Variants in ACACA observed in about 807,000 individuals in gnomAD.
ACACA encodes acetyl-CoA carboxylase alpha, also known as acetyl-CoA carboxylase 1.
A neutral mutation model predicts 296.1 loss-of-function variants in ACACA; 103 were observed. That is an observed-to-expected ratio of 0.35 (90% CI 0.30 to 0.41). The LOEUF is 0.41. Ranked by LOEUF, ACACA falls within the 10% of genes least tolerant of loss-of-function variation. The pLI is 1.00. For synonymous variants in ACACA, 953 were observed against 1,038.6 expected, an observed-to-expected ratio of 0.92 and a Z score of 1.58; for missense variants, 1,554 against 2,989.7, an observed-to-expected ratio of 0.52 and a Z score of 11.20.
intron 39 of ACACA, among the ~76,000 whole-genome samples, chr17:37,187,525 G>A (rs2145015875): frequency 6.6e-6 from 1 of 152,272 alleles, no homozygotes; most frequent in South Asian, 2.1e-4. Flanking sequence ...CCTAATTTCA[G>A]TATCATAGTA....
chr17:37,389,226 CAG>C (rs2050681482), intron 1 of ACACA: 4 of 1,561,856 alleles, frequency 2.6e-6, no homozygotes, highest in Non-Finnish European at 3.5e-6. Flanking sequence ...ATATTAATAC[CAG>C]TCATTTTCTC....
chr17:37,241,568 G>T lies in ACACA; in HGVS notation c.3032+385C>A, dbSNP rs1031023266. ...AAAAATACAAAAATTAGCTGGATGT[G>T]GTGGTGCACAGCTATAGTCCCAGCT... On this transcript the variant is annotated intron_variant, in intron 23 of 55. Transcript: ENST00000616317. 1.8e-4 allele frequency among the ~76,000 whole-genome samples: 27 copies of T among 152,036 alleles called. 1 individual carries two copies.
chr17:37,094,567 G>T (rs1266516842), intron 54 of ACACA, among the ~76,000 whole-genome samples: 1 of 101,400 alleles, frequency 9.9e-6, no homozygotes, highest in Non-Finnish European at 1.9e-5. Flanking sequence ...ATTCTTTGAA[G>T]AACCACCCCC....
chr17:37,368,537 C>T (rs112825846), intron 1 of ACACA, among the ~76,000 whole-genome samples: 28 of 152,148 alleles, frequency 1.8e-4, no homozygotes, highest in Middle Eastern at 3.4e-3. Context: ...GCCAAAATTG[C>T]GCCATTGCAC....
Position 37,330,494 on chromosome 17 carries a change from G to A in ACACA, c.86-69C>T, listed in dbSNP as rs138886561. 64 of 1,587,110 alleles carry A rather than the reference G, an allele frequency of 4.0e-5. No individual in the cohort carries two copies. In the East Asian group the frequency reaches 1.3e-3, roughly 33 times the overall value. Reference sequence around the variant, plus strand: ...AATCTATATCTGAGGTCAGCCAGAGGTTATATCTAATAAACCATAGCTGAG... The same window carrying A: ...AATCTATATCTGAGGTCAGCCAGAGATTATATCTAATAAACCATAGCTGAG... On this transcript the variant is annotated intron_variant, in intron 2 of 55. Transcript: ENST00000616317.
chr17:37,109,632 G>T, intron 52 of ACACA, among the ~76,000 whole-genome samples: 1 of 152,174 alleles, frequency 6.6e-6, no homozygotes, highest in East Asian at 1.9e-4. Flanking sequence ...GAGATGATTT[G>T]TAACAAATGA....
chr17:37,385,908 A>G (rs544336303), intron 1 of ACACA: 9 of 757,882 alleles, frequency 1.2e-5, no homozygotes, highest in East Asian at 5.5e-5. Flanking sequence ...TGGGACCACA[A>G]TTGGAAGTTT....
chr17:37,404,140 A>G (rs764846421), intron 1 of ACACA, among the ~76,000 whole-genome samples: 10 of 152,224 alleles, frequency 6.6e-5, no homozygotes, highest in Non-Finnish European at 1.3e-4. Flanking sequence ...ACAGTATTAC[A>G]ACACTGATTA....
In ACACA at chr17:37,223,731, C is replaced by T. The variant is rs896685309; in HGVS notation, c.3475-130G>A. On this transcript the variant is annotated intron_variant, in intron 27 of 55. Coordinates refer to ENST00000616317, the MANE Select transcript of ACACA (RefSeq NM_198834.3). ...TCTGAATGCCATAATCTCTCTGTGC[C>T]TCAGCTTCCTGAGCTACAAAATGGA... The T allele has an allele frequency of 9.8e-6, 7 of 714,444 alleles. No homozygotes were observed. In the Admixed American group the frequency reaches 1.5e-4, roughly 15 times the overall value. 44.3% of individuals were successfully genotyped at this position (714,444 alleles called of 1,614,324 possible).
chr17:37,143,826 C>CT (rs1452341087), intron 45 of ACACA: 16 of 1,400,612 alleles, frequency 1.1e-5, no homozygotes, highest in Middle Eastern at 4.9e-4. Context: ...CAGCAGTATC[C>CT]TTTTCGTATT....
chr17:37,118,676 C>T (rs2074375528), intron 50 of ACACA, among the ~76,000 whole-genome samples: 1 of 152,140 alleles, frequency 6.6e-6, no homozygotes, highest in African/African-American at 2.4e-5. Flanking sequence ...CCCAACTCTG[C>T]CATTTTGTAG....
In ACACA at chr17:37,274,518, G is replaced by A. The variant is rs527561880; in HGVS notation, c.902-219C>T. The A allele has an allele frequency of 1.2e-5, 9 of 780,858 alleles. 1 individual carries two copies. Among genetic ancestry groups the A allele is most frequent in the East Asian group, 2.6e-4 (2 of 7,830 alleles). 48.4% of individuals were successfully genotyped at this position (780,858 alleles called of 1,614,324 possible). ...TTCTTAACGCTGGCAAAAGCCAGCC[G>A]AACTAACAGGGAGCAACTTATAAAA... On this transcript the variant is annotated intron_variant, in intron 8 of 55. Coordinates refer to ENST00000616317, the MANE Select transcript of ACACA (RefSeq NM_198834.3).
intron 54 of ACACA, among the ~76,000 whole-genome samples, chr17:37,093,300 G>C (rs987080877): frequency 3.9e-5 from 6 of 152,308 alleles, no homozygotes; most frequent in Non-Finnish European, 8.8e-5. Context: ...CATGGCATCG[G>C]GTTGTGGGAA....
intron 1 of ACACA, chr17:37,365,730 G>A (rs575739861): frequency 4.9e-5 from 48 of 985,310 alleles, no homozygotes; most frequent in Non-Finnish European, 5.4e-5. Flanking sequence ...TCCTCAGGAA[G>A]GCCACTTCAT....
intron 3 of ACACA, among the ~76,000 whole-genome samples, chr17:37,293,042 A>T (rs2083148740): frequency 6.6e-6 from 1 of 151,540 alleles, no homozygotes; most frequent in Non-Finnish European, 1.5e-5. Context: ...CTGCCGACAC[A>T]TTTTTTTTTA....
intron 35 of ACACA, among the ~76,000 whole-genome samples, chr17:37,193,652 C>T (rs974600897): frequency 2.0e-5 from 3 of 152,006 alleles, no homozygotes; most frequent in African/African-American, 7.2e-5. Flanking sequence ...CTACCCTCTC[C>T]CAGGGGAAAA....
chr17:37,381,830 T>C (rs933210851), intron 1 of ACACA, among the ~76,000 whole-genome samples: 3 of 151,834 alleles, frequency 2.0e-5, no homozygotes, highest in Admixed American at 6.6e-5. Flanking sequence ...GGTTTCACCG[T>C]GTTGGCCAGG....
In ACACA at chr17:37,221,844, T is replaced by C; in HGVS notation, c.3565-2A>G. 1 of 1,608,766 alleles carries C rather than the reference T, an allele frequency of 6.2e-7. No individual in the cohort carries two copies. Among genetic ancestry groups the C allele is most frequent in the Non-Finnish European group, 8.5e-7 (1 of 1,175,118 alleles). On this transcript the variant is annotated splice_acceptor_variant, in intron 28 of 55. Transcript: ENST00000616317. LOFTEE classifies it high-confidence loss of function. The stretch of plus-strand genomic sequence containing the variant: ...AATATAAGCCCTTCGAACATACACC[T>C]GGTTCAAAAGAAACCCTCAGTAAAT...
At chr17:37,322,590 C>A (rs2047406133) in intron 3 of ACACA, among the ~76,000 whole-genome samples, 1 of 152,176 alleles carries the variant, frequency 6.6e-6, no homozygotes, top group Non-Finnish European at 1.5e-5. Context: ...CAAGACCACT[C>A]TGGCCTGCAA....
Sources: gnomAD v4.1 joint callset for allele counts (sites outside exome capture counted in the v4.1 genomes callset) on GRCh38, gnomAD v4.1.1 for gene constraint, MANE v1.5 for transcripts, NCBI Gene and HGNC (gene_info 2026-07-23, HGNC 2026-07-21) for gene names.